CBFA2T3: variants seen among roughly 807,000 people sequenced by gnomAD.
CBFA2T3 encodes the protein transcriptional corepressor CBFA2T3.
CBFA2T3 carries 31 observed loss-of-function variants against 58.6 expected under a neutral mutation model. That is an observed-to-expected ratio of 0.53 (90% CI 0.40 to 0.71). CBFA2T3 has a LOEUF of 0.71. Ranked by LOEUF, CBFA2T3 falls within the 30% of genes least tolerant of loss-of-function variation. The pLI is 0.00. For missense variants in CBFA2T3, 1,076 were observed against 963.1 expected (o/e 1.12, Z -1.55); for synonymous variants, 531 against 421.9 (o/e 1.26, Z -3.17).
chr16:88,970,379 G>A (rs938279361), intron 1 of CBFA2T3, among the ~76,000 whole-genome samples: 3 of 152,328 alleles, frequency 2.0e-5, no homozygotes, highest in East Asian at 1.9e-4. Flanking sequence ...AGAGCAGGGC[G>A]TGCAGTGGGG....
At chr16:88,946,412 T>C (rs1971903030) in intron 1 of CBFA2T3, among the ~76,000 whole-genome samples, 2 of 152,100 alleles carry the variant, frequency 1.3e-5, no homozygotes, top group Admixed American at 1.3e-4. Context: ...TGTAAAATGA[T>C]GGAAGTAGTA....
At chr16:88,963,253 ATCTTCTGCCAGGGGTGGGCGCTCG>A (rs71158772) in intron 1 of CBFA2T3, among the ~76,000 whole-genome samples, 5 of 114,836 alleles carry the variant, frequency 4.4e-5, no homozygotes, top group South Asian at 2.9e-4. Context: ...GTGGGCGCTC[ATCTTCTGCCAGGGGTGGGCGCTCG>A]TCTTCTGCCA....
chr16:88,880,663 A>C, intron 10 of CBFA2T3, 57 bp downstream of exon 10: 3 of 1,434,224 alleles, frequency 2.1e-6, no homozygotes, highest in Non-Finnish European at 2.9e-6. Flanking sequence ...TGAGAGGCGC[A>C]TCTGGGGCCC....
intron 1 of CBFA2T3, chr16:88,937,973 G>A (rs890960228): frequency 6.6e-6 from 1 of 152,254 alleles, no homozygotes; most frequent in African/African-American, 2.4e-5. Context: ...TAATAGCCGG[G>A]CAATGTTCCA....
chr16:88,889,556 G>A (rs891320712), intron 5 of CBFA2T3, among the ~76,000 whole-genome samples: 2 of 151,898 alleles, frequency 1.3e-5, no homozygotes, highest in Non-Finnish European at 2.9e-5. Flanking sequence ...GAGCCCTGGC[G>A]CCCTCTCTCC....
At chr16:88,913,959 C>G (rs527936912) in intron 1 of CBFA2T3, among the ~76,000 whole-genome samples, 1 of 152,320 alleles carries the variant, frequency 6.6e-6, no homozygotes, top group East Asian at 1.9e-4. Flanking sequence ...AGCCAACCCA[C>G]AGACACAGGT....
At chr16:88,897,297 GCA>G (rs1468515540) in intron 3 of CBFA2T3, among the ~76,000 whole-genome samples, 3 of 152,220 alleles carry the variant, frequency 2.0e-5, no homozygotes, top group Non-Finnish European at 4.4e-5. Flanking sequence ...CAGAAACAAC[GCA>G]CAGTTGTTCT....
At chr16:88,900,819 C>G (rs1199255651) in intron 2 of CBFA2T3, among the ~76,000 whole-genome samples, 1 of 152,270 alleles carries the variant, frequency 6.6e-6, no homozygotes, top group Non-Finnish European at 1.5e-5. Flanking sequence ...TGAGAACTGG[C>G]TGTTCCCTGC....
chr16:88,940,014 G>A (rs1373337749), intron 1 of CBFA2T3: 2 of 152,350 alleles, frequency 1.3e-5, no homozygotes, highest in Non-Finnish European at 2.9e-5. Context: ...GTCCAGGAGA[G>A]GAAACGCACA....
intron 1 of CBFA2T3, among the ~76,000 whole-genome samples, chr16:88,967,618 C>T (rs1382358810): frequency 1.3e-5 from 2 of 151,874 alleles, no homozygotes; most frequent in African/African-American, 4.8e-5. Context: ...TACAGGAATT[C>T]CTTTCTATAA....
chr16:88,904,327 C>T (rs893948119), intron 1 of CBFA2T3, among the ~76,000 whole-genome samples: 1 of 152,142 alleles, frequency 6.6e-6, no homozygotes, highest in African/African-American at 2.4e-5. Flanking sequence ...CTCACCGAGA[C>T]CCTCTGCGGC....
At chr16:88,961,313 G>T (rs955691198) in intron 1 of CBFA2T3, among the ~76,000 whole-genome samples, 1 of 152,152 alleles carries the variant, frequency 6.6e-6, no homozygotes, top group Non-Finnish European at 1.5e-5. Flanking sequence ...CATAGTAACC[G>T]ACACTCACCC....
intron 5 of CBFA2T3, among the ~76,000 whole-genome samples, chr16:88,891,200 C>T (rs142648631): frequency 1.1e-3 from 164 of 152,040 alleles, no homozygotes; most frequent in African/African-American, 3.8e-3. Context: ...TCTCTCCACC[C>T]CACGTATTCT....
chr16:88,932,973 A>G (rs9673728), intron 1 of CBFA2T3, among the ~76,000 whole-genome samples: 2 of 76,468 alleles, frequency 2.6e-5, no homozygotes, highest in Non-Finnish European at 7.3e-5. Flanking sequence ...TGTCTGGGGG[A>G]AAAAAAGAAA....
In CBFA2T3 at chr16:88,878,335, C is replaced by T. The variant is rs562793355; in HGVS notation, c.1662+935G>A. Among the ~76,000 whole-genome samples the T allele has an allele frequency of 2.9e-4, 44 of 152,202 alleles. 1 individual carries two copies. Among genetic ancestry groups the T allele is most frequent in the Non-Finnish European group, 5.0e-4 (34 of 68,040 alleles). On this transcript the variant is annotated intron_variant, in intron 11 of 11. Transcript: ENST00000268679. ...ATGGCCGGTGCAGAGACCCCTGAAT[C>T]GATGGGGCTCCATCTCCTCCCACCC...
In CBFA2T3 at chr16:88,954,566, CCCTA is replaced by C. The variant is rs1288108637; in HGVS notation, c.151+22087_151+22090del. ...TCCTGACCTCAGCCAAGGCTCCTGA[CCCTA>C]CCCAAGGCTCCTGACCCCGCCCAAG... On this transcript the variant is annotated intron_variant, in intron 1 of 11. Transcript: ENST00000268679. Among the ~76,000 whole-genome samples, 660 of 79,370 alleles carry C rather than the reference CCCTA, an allele frequency of 8.3e-3. 73 individuals carry two copies. The highest frequency in any genetic ancestry group is 0.012 in the Non-Finnish European group (446 of 38,020). 52.1% of individuals were successfully genotyped at this position (79,370 alleles called of 152,430 possible).
At chr16:88,949,576 A>G (rs1356846653) in intron 1 of CBFA2T3, among the ~76,000 whole-genome samples, 1 of 151,924 alleles carries the variant, frequency 6.6e-6, no homozygotes, top group African/African-American at 2.4e-5. Flanking sequence ...AAAAAAAAGA[A>G]AAAGAAAGAA....
At chr16:88,944,172 C>A (rs1485523114) in intron 1 of CBFA2T3, among the ~76,000 whole-genome samples, 3 of 151,856 alleles carry the variant, frequency 2.0e-5, no homozygotes, top group Non-Finnish European at 4.4e-5. Context: ...CCTGTCTCTA[C>A]TAAAAATACA....
chr16:88,901,863 C>T (rs751670756), intron 1 of CBFA2T3, among the ~76,000 whole-genome samples: 3 of 152,146 alleles, frequency 2.0e-5, no homozygotes, highest in Admixed American at 6.5e-5. Flanking sequence ...TGGGCCAGCT[C>T]ATCTGAGGTG....
Sources: allele counts gnomAD v4.1 joint callset (sites outside exome capture counted in the v4.1 genomes callset), GRCh38; gene constraint gnomAD v4.1.1; transcripts MANE v1.5; gene names NCBI Gene and HGNC (gene_info 2026-07-23, HGNC 2026-07-21).